The following MCPH1 variants were observed in gnomAD, a reference collection of about 807,000 sequenced individuals.
The protein encoded by MCPH1 is microcephalin 1, also known as microcephalin.
Under a neutral mutation model 84.5 loss-of-function variants are expected in MCPH1, and 104 were observed. The observed-to-expected ratio is 1.23, with a 90% CI of 1.05 to 1.45. MCPH1 has a LOEUF of 1.45. Ranked by LOEUF, MCPH1 falls within the 40% of genes most tolerant of loss-of-function variation. The pLI, the probability that MCPH1 is intolerant of heterozygous loss-of-function variation, is 0.00. For synonymous variants in MCPH1, 514 were observed against 366.8 expected (o/e 1.40, Z -4.58); for missense variants, 1,498 against 1,005.7 (o/e 1.49, Z -6.62).
chr8:6,566,065 T>TCACC (rs1826127326), intron 12 of MCPH1, among the ~76,000 whole-genome samples: 1 of 151,924 alleles, frequency 6.6e-6, no homozygotes, highest in Non-Finnish European at 1.5e-5. Flanking sequence ...GGTAATGCGG[T>TCACC]GCAAAGCAGC....
intron 8 of MCPH1, among the ~76,000 whole-genome samples, chr8:6,452,073 C>T (rs896768165): frequency 6.6e-6 from 1 of 152,178 alleles, no homozygotes; most frequent in Non-Finnish European, 1.5e-5. Flanking sequence ...CCAAGTTTCT[C>T]CTACAGTCTT....
At chr8:6,516,874 G>A (rs1303875238) in intron 12 of MCPH1, among the ~76,000 whole-genome samples, 1 of 152,130 alleles carries the variant, frequency 6.6e-6, no homozygotes, top group African/African-American at 2.4e-5. Flanking sequence ...GGAAGTCAGA[G>A]GCAAAACTCT....
At chr8:6,509,118 T>C in intron 12 of MCPH1, 3 of 1,578,282 alleles carry the variant, frequency 1.9e-6, no homozygotes, top group Non-Finnish European at 2.6e-6. Flanking sequence ...TTTACCGTAG[T>C]GGCAAATTTT....
chr8:6,569,623 G>C (rs78340857), intron 12 of MCPH1, among the ~76,000 whole-genome samples: 17 of 152,300 alleles, frequency 1.1e-4, no homozygotes, highest in East Asian at 3.9e-4. Flanking sequence ...GGAAATCAAG[G>C]CTCCGTGAAG....
chr8:6,475,316 C>T (rs970709003), intron 9 of MCPH1, among the ~76,000 whole-genome samples: 7 of 152,238 alleles, frequency 4.6e-5, no homozygotes, highest in Non-Finnish European at 1.0e-4. Flanking sequence ...ACGTGGTGGA[C>T]AGCCTGATGC....
intron 12 of MCPH1, among the ~76,000 whole-genome samples, chr8:6,592,614 C>CTTTTTTTTGTTTTTTTTTTTTTTTTTT (rs1828565098): frequency 4.6e-5 from 3 of 65,544 alleles, no homozygotes; most frequent in African/African-American, 1.0e-4. Context: ...GTTTTTCTTT[C>CTTTTTTTTGTTTTTTTTTTTTTTTTTT]TTTTTTTTGT....
At chr8:6,512,690 A>T (rs1355199510) in intron 12 of MCPH1, among the ~76,000 whole-genome samples, 1 of 152,140 alleles carries the variant, frequency 6.6e-6, no homozygotes, top group Non-Finnish European at 1.5e-5. Context: ...CTTGCACACT[A>T]GGTTGTCAAG....
At chr8:6,473,580 C>G (rs958409835) in intron 9 of MCPH1, among the ~76,000 whole-genome samples, 1 of 152,124 alleles carries the variant, frequency 6.6e-6, no homozygotes, top group Admixed American at 6.5e-5. Context: ...ATCTGCCCAC[C>G]TCAGCCTCCC....
At chr8:6,493,583 C>G (rs1407674757) in intron 11 of MCPH1, among the ~76,000 whole-genome samples, 1 of 152,186 alleles carries the variant, frequency 6.6e-6, no homozygotes, top group Non-Finnish European at 1.5e-5. Context: ...TAGAGCAGTG[C>G]TTTTCAAAAC....
chr8:6,499,273 A>C (rs1452023159), intron 11 of MCPH1, among the ~76,000 whole-genome samples: 1 of 152,102 alleles, frequency 6.6e-6, no homozygotes, highest in African/African-American at 2.4e-5. Flanking sequence ...GTGGGGATTC[A>C]AATACTAAGA....
rs545850012 is a variant in MCPH1 at position 6,496,683 on chromosome 8, G to C, written c.2137-3169G>C. Among the ~76,000 whole-genome samples, 3 of 152,254 alleles carry C rather than the reference G, an allele frequency of 2.0e-5. No individual in the cohort carries two copies. In the East Asian group the frequency reaches 5.8e-4, roughly 29 times the overall value. ...TTTAGAAATTTGGAATAAATGTAGT[G>C]TTATGACTAACAGTAATGTTGCCTA... On this transcript the variant is annotated intron_variant, in intron 11 of 13. Coordinates refer to ENST00000344683, the MANE Select transcript of MCPH1 (RefSeq NM_024596.5).
intron 12 of MCPH1, among the ~76,000 whole-genome samples, chr8:6,512,296 C>G (rs1176593398): frequency 6.6e-6 from 1 of 152,158 alleles, no homozygotes; most frequent in African/African-American, 2.4e-5. Flanking sequence ...TCCGTGCTGC[C>G]CACCACAATC....
At chr8:6,534,663 AAATC>A (rs1478176664) in intron 12 of MCPH1, among the ~76,000 whole-genome samples, 1 of 152,172 alleles carries the variant, frequency 6.6e-6, no homozygotes. Context: ...AAAAAATAAA[AAATC>A]AGTCACTGAT....
intron 12 of MCPH1, among the ~76,000 whole-genome samples, chr8:6,511,899 C>CT (rs34089402): frequency 0.081 from 11,532 of 141,918 alleles, 487 homozygotes; most frequent in African/African-American, 0.098. Flanking sequence ...TTTTGTGCTT[C>CT]TTTTTTTTTT....
chr8:6,626,913 C>G, intron 13 of MCPH1: 1 of 984,282 alleles, frequency 1.0e-6, no homozygotes, highest in Non-Finnish European at 1.2e-6. Flanking sequence ...ATTGTCTGGG[C>G]TCCATTCAAG....
intron 12 of MCPH1, among the ~76,000 whole-genome samples, chr8:6,612,564 A>C (rs1448523981): frequency 6.6e-6 from 1 of 151,798 alleles, no homozygotes; most frequent in Admixed American, 6.6e-5. Context: ...TGCAGCCTCC[A>C]CCCTGGGCTT....
chr8:6,622,650 T>A (rs1295194757), intron 13 of MCPH1, among the ~76,000 whole-genome samples: 2 of 152,180 alleles, frequency 1.3e-5, no homozygotes. Context: ...TAAGATGGGG[T>A]ATCGGCAGCG....
At chr8:6,601,136 G>T (rs1323368559) in intron 12 of MCPH1, among the ~76,000 whole-genome samples, 1 of 152,108 alleles carries the variant, frequency 6.6e-6, no homozygotes, top group Non-Finnish European at 1.5e-5. Flanking sequence ...ACCACCTGGA[G>T]ACAGAGTCCA....
rs557682594 is a variant in MCPH1, at chr8:6,506,966, C to T, written c.2214+7037C>T. ...AGGCTGGATTGTACTGGTGCGATCT[C>T]GGCTCATTGCAAACTCTGTCTCCCC... is the stretch of plus-strand genomic sequence containing the variant. On this transcript the variant is annotated intron_variant, in intron 12 of 13. Coordinates refer to ENST00000344683, the MANE Select transcript of MCPH1 (RefSeq NM_024596.5). 4.0e-4 allele frequency among the ~76,000 whole-genome samples: 60 copies of T among 151,764 alleles called. 2 individuals are homozygous for T. In the South Asian group the frequency reaches 0.012, roughly 31 times the overall value.
Sources: gnomAD v4.1 joint callset for allele counts (sites outside exome capture counted in the v4.1 genomes callset) on GRCh38, gnomAD v4.1.1 for gene constraint, MANE v1.5 for transcripts, NCBI Gene and HGNC (gene_info 2026-07-23, HGNC 2026-07-21) for gene names.